The following MED12L variants were observed in gnomAD, a reference collection of about 807,000 sequenced individuals.
MED12L encodes the protein mediator complex subunit 12L.
In MED12L, 60 loss-of-function variants were observed where a neutral mutation model predicts 281.3. That is an observed-to-expected ratio of 0.21 (90% confidence interval 0.17 to 0.26). The LOEUF (loss-of-function observed/expected upper bound fraction) is 0.26. Ranked by LOEUF, MED12L falls within the 10% of genes least tolerant of loss-of-function variation. MED12L has a pLI of 1.00. For synonymous variants in MED12L, 974 were observed against 987.2 expected, an observed-to-expected ratio of 0.99 and a Z score of 0.25; for missense variants, 2,146 against 2,680.9, an observed-to-expected ratio of 0.80 and a Z score of 4.41.
chr3:151,408,660 T>A, intron 39 of MED12L, among the ~76,000 whole-genome samples: 1 of 152,250 alleles, frequency 6.6e-6, no homozygotes, highest in Non-Finnish European at 1.5e-5. Context: ...GTTAATTGGT[T>A]TTATTTTGCA....
intron 16 of MED12L, among the ~76,000 whole-genome samples, chr3:151,273,596 T>C (rs1350354766): frequency 6.6e-6 from 1 of 152,122 alleles, no homozygotes; most frequent in Non-Finnish European, 1.5e-5. Flanking sequence ...ATAACTCATT[T>C]AATCCCCATA....
chr3:151,204,461 T>C (rs1726085874), intron 16 of MED12L, among the ~76,000 whole-genome samples: 1 of 152,186 alleles, frequency 6.6e-6, no homozygotes, highest in South Asian at 2.1e-4. Flanking sequence ...TTTTTGCCAG[T>C]GAAGACCATA....
chr3:151,198,546 C>A lies in MED12L; in HGVS notation c.2250+4880C>A. 3 of 1,614,046 alleles carry A rather than the reference C, an allele frequency of 1.9e-6. No individual in the cohort carries two copies. The highest frequency in any genetic ancestry group is 2.5e-6 in the Non-Finnish European group (3 of 1,179,992). On this transcript the variant is annotated intron_variant, in intron 16 of 44. Coordinates refer to ENST00000687756, the MANE Select transcript of MED12L (RefSeq NM_001393769.1). ...GAGAGGTGATAGTACAGGATAGGATCAAAGCACAGGTTCGACACAGCCAGG... is the reference window on the plus strand; with the variant it reads ...GAGAGGTGATAGTACAGGATAGGATAAAAGCACAGGTTCGACACAGCCAGG...
chr3:151,255,779 C>G (rs150567322), intron 16 of MED12L, among the ~76,000 whole-genome samples: 1 of 152,288 alleles, frequency 6.6e-6, no homozygotes, highest in East Asian at 1.9e-4. Flanking sequence ...TGCTACATAA[C>G]GTGGCATATG....
intron 16 of MED12L, among the ~76,000 whole-genome samples, chr3:151,319,649 T>C (rs1186109302): frequency 1.3e-5 from 2 of 152,158 alleles, no homozygotes; most frequent in African/African-American, 2.4e-5. Context: ...ATTTATAAAT[T>C]GTTACTGTTT....
chr3:151,177,653 C>CTT (rs199986322), intron 11 of MED12L, among the ~76,000 whole-genome samples: 1 of 145,414 alleles, frequency 6.9e-6, no homozygotes, highest in Admixed American at 6.9e-5. Context: ...CCATGCCTGG[C>CTT]TTTTTTTTTT....
At chr3:151,425,536 G>C (rs1305256590) in intron 43 of MED12L, 9 of 420,294 alleles carry the variant, frequency 2.1e-5, no homozygotes, top group African/African-American at 1.2e-4. Flanking sequence ...AAGTAGCTGG[G>C]AACTACAGTA....
At chr3:151,187,686 CTG>C (rs979550297) in intron 12 of MED12L, among the ~76,000 whole-genome samples, 1 of 152,176 alleles carries the variant, frequency 6.6e-6, no homozygotes, top group Non-Finnish European at 1.5e-5. Flanking sequence ...ACTTCATGAA[CTG>C]TGGACATTCC....
At chr3:151,157,400 C>T (rs886874477) in intron 6 of MED12L, among the ~76,000 whole-genome samples, 4 of 152,070 alleles carry the variant, frequency 2.6e-5, no homozygotes, top group African/African-American at 9.7e-5. Context: ...GAAACAAGGG[C>T]ATGGGTATAT....
chr3:151,236,307 G>A (rs1260861703), intron 16 of MED12L, among the ~76,000 whole-genome samples: 3 of 152,150 alleles, frequency 2.0e-5, no homozygotes. Context: ...ATTTTGAATT[G>A]CCACTTCAAT....
At chr3:151,430,950 T>G (rs1294761426) in intron 44 of MED12L, among the ~76,000 whole-genome samples, 1 of 151,888 alleles carries the variant, frequency 6.6e-6, no homozygotes. Context: ...TGTTTTGTTT[T>G]GTTTTGTTTA....
intron 16 of MED12L, 22 bp from the exon 17 acceptor site, chr3:151,350,037 G>T: frequency 6.2e-7 from 1 of 1,600,848 alleles, no homozygotes; most frequent in Non-Finnish European, 8.5e-7. Flanking sequence ...AAGAGTTTCA[G>T]AATGCATTTT....
chr3:151,278,056 T>A (rs1003208759), intron 16 of MED12L, among the ~76,000 whole-genome samples: 2 of 152,222 alleles, frequency 1.3e-5, no homozygotes, highest in African/African-American at 4.8e-5. Flanking sequence ...CGATTGGAAA[T>A]CCTAAATCAT....
intron 16 of MED12L, among the ~76,000 whole-genome samples, chr3:151,218,741 C>T (rs2149253429): frequency 6.6e-6 from 1 of 151,640 alleles, no homozygotes; most frequent in East Asian, 1.9e-4. Flanking sequence ...GTGGCATACA[C>T]CTGTAATCCT....
chr3:151,175,753 T>C (rs1331493406), intron 11 of MED12L, among the ~76,000 whole-genome samples: 1 of 152,246 alleles, frequency 6.6e-6, no homozygotes, highest in African/African-American at 2.4e-5. Context: ...GTGCCTGCTC[T>C]TCCCTGAGAA....
At chr3:151,425,217 G>A (rs1718747541) in intron 43 of MED12L, among the ~76,000 whole-genome samples, 2 of 152,154 alleles carry the variant, frequency 1.3e-5, no homozygotes, top group Non-Finnish European at 2.9e-5. Context: ...ATATGCTTTC[G>A]CTGACGGGGC....
intron 5 of MED12L, among the ~76,000 whole-genome samples, chr3:151,147,486 C>G (rs936178388): frequency 6.6e-6 from 1 of 152,246 alleles, no homozygotes; most frequent in African/African-American, 2.4e-5. Context: ...TTCGCTACCC[C>G]TGAAAAACCC....
At chr3:151,141,182 T>G (rs1305742674) in intron 5 of MED12L, among the ~76,000 whole-genome samples, 76 of 116,736 alleles carry the variant, frequency 6.5e-4, no homozygotes, top group African/African-American at 3.2e-3. Context: ...TTTTTTGTTT[T>G]TTTTGTTTTT....
At chr3:151,106,392 T>C (rs961844899) in intron 2 of MED12L, among the ~76,000 whole-genome samples, 1 of 137,348 alleles carries the variant, frequency 7.3e-6, no homozygotes, top group Non-Finnish European at 1.6e-5. Context: ...CAGGTTAATA[T>C]GAAATTCCTG....
Sources: allele counts gnomAD v4.1 joint callset (sites outside exome capture counted in the v4.1 genomes callset), GRCh38; gene constraint gnomAD v4.1.1; transcripts MANE v1.5; gene names NCBI Gene and HGNC (gene_info 2026-07-23, HGNC 2026-07-21).